QTRT1: variants seen among roughly 807,000 people sequenced by gnomAD.
The protein encoded by QTRT1 is TGT, 43-KD subunit.
QTRT1 carries 41 observed loss-of-function variants against 44.0 expected under a neutral mutation model. The ratio of observed to expected loss-of-function variants is 0.93; its 90% confidence interval spans 0.73 to 1.21. The LOEUF (loss-of-function observed/expected upper bound fraction) is 1.21. Ranked by LOEUF, QTRT1 falls within the 50% of genes most tolerant of loss-of-function variation. The pLI, the probability that QTRT1 is intolerant of heterozygous loss-of-function variation, is 0.00. For synonymous variants in QTRT1, 226 were observed against 237.1 expected, an observed-to-expected ratio of 0.95 and a Z score of 0.43; for missense variants, 542 against 575.8, an observed-to-expected ratio of 0.94 and a Z score of 0.60.
chr19:10,701,744 G>A, intron 1 of QTRT1, 41 bp downstream of exon 1: 1 of 1,556,612 alleles, frequency 6.4e-7, no homozygotes, highest in African/African-American at 1.4e-5. Context: ...GCGAGGCGGC[G>A]AGGCGTGGGG....
At chr19:10,702,058 T>C in intron 2 of QTRT1, 40 bp downstream of exon 2, 1 of 1,614,106 alleles carries the variant, frequency 6.2e-7, no homozygotes, top group Non-Finnish European at 8.5e-7. Flanking sequence ...GGCCCTTCTC[T>C]GGAGTGAAGG....
intron 3 of QTRT1, among the ~76,000 whole-genome samples, chr19:10,706,980 T>C (rs9807841): frequency 0.72 from 110,314 of 152,212 alleles, 40,794 homozygotes; most frequent in African/African-American, 0.87. Flanking sequence ...CTGCGCCCAG[T>C]CAGCAGAGCC....
At chr19:10,707,654 G>T (rs761831570) in intron 5 of QTRT1, 39 bp downstream of exon 5, 55 of 1,471,064 alleles carry the variant, frequency 3.7e-5, no homozygotes, top group Middle Eastern at 1.8e-4. Context: ...CTTGGCCATC[G>T]CGGAGGTCCC....
chr19:10,707,958 T>A (rs920083827), intron 5 of QTRT1, among the ~76,000 whole-genome samples: 6 of 151,196 alleles, frequency 4.0e-5, no homozygotes, highest in African/African-American at 1.2e-4. Context: ...TACTTTTTTT[T>A]TTTTTGGAGG....
At chr19:10,705,924 C>T (rs1437244023) in intron 3 of QTRT1, among the ~76,000 whole-genome samples, 2 of 127,762 alleles carry the variant, frequency 1.6e-5, no homozygotes, top group African/African-American at 3.0e-5. Context: ...GGTGCGATCT[C>T]GGCTCACTGC....
Position 10,703,528 on chromosome 19 carries a change from G to A in QTRT1, c.451+1274G>A, listed in dbSNP as rs114722523. Among the ~76,000 whole-genome samples, 1,388 of 152,228 alleles carry A rather than the reference G, an allele frequency of 9.1e-3. 26 individuals carry two copies. The highest frequency in any genetic ancestry group is 0.032 in the African/African-American group (1,322 of 41,550). On this transcript the variant is annotated intron_variant, in intron 3 of 9. Transcript: ENST00000250237. ...AAACCCTTATAAGAAAAGAAGCCAC[G>A]TGCTGGGTGCGGTGGCCACGCCTGT...
chr19:10,703,444 C>G (rs1267473149), intron 3 of QTRT1, among the ~76,000 whole-genome samples: 1 of 152,094 alleles, frequency 6.6e-6, no homozygotes, highest in South Asian at 2.1e-4. Flanking sequence ...TAGATTGATG[C>G]TGTAGGGAGG....
intron 3 of QTRT1, among the ~76,000 whole-genome samples, chr19:10,704,850 G>C (rs943345085): frequency 6.6e-5 from 10 of 151,724 alleles, no homozygotes; most frequent in African/African-American, 2.4e-4. Context: ...GCCTCCCAAA[G>C]TGCTGGCATT....
At position 10,701,681 on chromosome 19, in the gene QTRT1, C is replaced by T. The variant is rs775368753; in HGVS notation, c.221C>T (p.Thr74Ile). The T allele has an allele frequency of 6.3e-7, 1 of 1,585,100 alleles. No individual in the cohort carries two copies. The highest frequency in any genetic ancestry group is 8.6e-7 in the Non-Finnish European group (1 of 1,166,712). The change falls in exon 1 of 10, where the codon ACC (threonine) becomes ATC (isoleucine). Residue 74 changes from threonine (T) to isoleucine (I), a missense_variant. Transcript: ENST00000250237. ...GGTTGCCGCATCTGCCTGGGCAATACCTACCATCTGGGTCTAAGGCCGGTG... is the reference window on the plus strand; with the variant it reads ...GGTTGCCGCATCTGCCTGGGCAATATCTACCATCTGGGTCTAAGGCCGGTG... ...ALGCRICLGN[T>I]YHLGLRPGPE...
chr19:10,708,774 T>C lies in QTRT1; in HGVS notation c.646+1159T>C, dbSNP rs533238239. 3.3e-5 allele frequency among the ~76,000 whole-genome samples: 5 copies of C among 150,350 alleles called. No individual in the cohort carries two copies. In the East Asian group the frequency reaches 9.7e-4, roughly 29 times the overall value. ...ATTCCTTTTTTTTTTTTTCTTTTTT[T>C]TTTTTTTTGAGACGGAGTTTCGCTC... On this transcript the variant is annotated intron_variant, in intron 5 of 9. Transcript: ENST00000250237.
At chr19:10,708,819 G>C (rs565925898) in intron 5 of QTRT1, 1 of 147,468 alleles carries the variant, frequency 6.8e-6, no homozygotes, top group Non-Finnish European at 1.5e-5. Context: ...AGGCTGGAGT[G>C]CAGTGGCGTG....
chr19:10,702,479 C>T (rs1188727047), intron 3 of QTRT1, among the ~76,000 whole-genome samples: 2 of 152,052 alleles, frequency 1.3e-5, no homozygotes, highest in Non-Finnish European at 2.9e-5. Context: ...CATGTAGTAG[C>T]TTAAGTATTA....
At chr19:10,704,749 G>A (rs1439269017) in intron 3 of QTRT1, among the ~76,000 whole-genome samples, 2 of 151,314 alleles carry the variant, frequency 1.3e-5, no homozygotes, top group East Asian at 1.9e-4. Context: ...CACCATGCCC[G>A]GCTAATTTTG....
Position 10,712,455 on chromosome 19 carries a change from A to T in QTRT1, c.786-98A>T, listed in dbSNP as rs1374865535. ...TGGCTGTCCCTTGGGGGCCATTCTGAGGGAATATGGCCCAGTCTGGGGCAG... is the reference window on the plus strand; with the variant it reads ...TGGCTGTCCCTTGGGGGCCATTCTGTGGGAATATGGCCCAGTCTGGGGCAG... On this transcript the variant is annotated intron_variant, in intron 6 of 9. Transcript: ENST00000250237. This position sits in a 1 kb window ranked among gnomAD's most constrained non-coding sequence, Gnocchi z 5.6. The T allele has an allele frequency of 2.1e-6, 3 of 1,432,670 alleles. No individual in the cohort carries two copies. Among genetic ancestry groups the T allele is most frequent in the East Asian group, 2.3e-5 (1 of 43,960 alleles). 88.7% of individuals were successfully genotyped at this position (1,432,670 alleles called of 1,614,324 possible).
intron 3 of QTRT1, among the ~76,000 whole-genome samples, chr19:10,704,583 C>T (rs866888731): frequency 2.0e-5 from 3 of 150,896 alleles, no homozygotes; most frequent in African/African-American, 4.9e-5. Flanking sequence ...CGTGAGCCAC[C>T]GCACCCGGCC....
chr19:10,707,465 G>C (rs201911462), intron 4 of QTRT1, 35 bp from the exon 5 acceptor site: 1 of 1,609,402 alleles, frequency 6.2e-7, no homozygotes, highest in East Asian at 2.2e-5. Flanking sequence ...CCCCTCACCA[G>C]GCCCCTGGGG....
Position 10,712,355 on chromosome 19 carries a change from AC to A in QTRT1, c.785+61del. 1 of 1,566,426 alleles carries A rather than the reference AC, an allele frequency of 6.4e-7. No homozygotes were observed. The highest frequency in any genetic ancestry group is 8.7e-7 in the Non-Finnish European group (1 of 1,155,236). ...ACCTGTGGGAAGTGGATTCCTGGGG[AC>A]CCCCTACCCTGCTTGGGGAGGTGGC... On this transcript the variant is annotated intron_variant, in intron 6 of 9. Coordinates refer to ENST00000250237, the MANE Select transcript of QTRT1 (RefSeq NM_031209.3). This position sits in a 1 kb window ranked among gnomAD's most constrained non-coding sequence, Gnocchi z 5.6.
chr19:10,713,246 C>A lies in QTRT1; in HGVS notation c.1188C>A (p.Ala396=). The change falls in exon 10 of 10, where the codon GCC becomes GCA. Residue 396 remains alanine (A), a synonymous_variant. Transcript: ENST00000250237. This position sits in a 1 kb window ranked among gnomAD's most constrained non-coding sequence, Gnocchi z 4.3. ...CCACCTGGGCCACTGACGCTCTGGC[C>A]TCTGTGGGAATCACACTGGGCTGAC... ...LCPTWATDAL[A]SVGITLG The A allele has an allele frequency of 1.3e-6, 2 of 1,595,328 alleles. No individual in the cohort carries two copies. Among genetic ancestry groups the A allele is most frequent in the Non-Finnish European group, 8.5e-7 (1 of 1,170,706 alleles).
rs1381893389 is a variant in QTRT1 at position 10,705,836 on chromosome 19, TGTTC to T, written c.452-1465_452-1462del. Among the ~76,000 whole-genome samples, 24 of 127,938 alleles carry T rather than the reference TGTTC, an allele frequency of 1.9e-4. 1 individual carries two copies. The highest frequency in any genetic ancestry group is 6.2e-4 in the African/African-American group (21 of 33,728). The allele number at this position is 127,938 out of a possible 152,430, so 83.9% of individuals were successfully genotyped here. On this transcript the variant is annotated intron_variant, in intron 3 of 9. Transcript: ENST00000250237. The stretch of plus-strand genomic sequence containing the variant: ...CAGGCGCAAGCCACCAGGCCTGGCC[TGTTC>T]TTTTTTTTTTTTTTTTTTTTTTTTT...
Sources: allele counts gnomAD v4.1 joint callset (sites outside exome capture counted in the v4.1 genomes callset), GRCh38; gene constraint gnomAD v4.1.1; non-coding constraint Gnocchi (gnomAD v3.1); transcripts MANE v1.5; gene names NCBI Gene and HGNC (gene_info 2026-07-23, HGNC 2026-07-21).